BCL2A1: variants seen among roughly 807,000 people sequenced by gnomAD.
BCL2A1 encodes bcl-2-related protein A1.
In BCL2A1, 10 loss-of-function variants were observed where a neutral mutation model predicts 14.4. The observed-to-expected ratio is 0.69, with a 90% CI of 0.43 to 1.18. The LOEUF (loss-of-function observed/expected upper bound fraction) is 1.18. BCL2A1 is among the 50% of genes most tolerant of loss of function. BCL2A1 has a pLI of 0.00. For missense variants in BCL2A1, 158 were observed against 205.0 expected (o/e 0.77, Z 1.40); for synonymous variants, 71 against 76.5 (o/e 0.93, Z 0.38).
Position 79,961,151 on chromosome 15 carries a change from A to T in BCL2A1, c.444T>A (p.Phe148Leu). Reference sequence around the variant, plus strand: ...AAGTCATCCAGCCAGATTTAGGTTCAAACTTCTTTACAAAGCCATTTTCCT... The same window carrying T: ...AAGTCATCCAGCCAGATTTAGGTTCTAACTTCTTTACAAAGCCATTTTCCT... ...GGWENGFVKK[F>L]EPKSGWMTFL... Residue 148 changes from phenylalanine to leucine, a missense_variant, in exon 2 of 2, where the codon TTT becomes TTA. Transcript: ENST00000267953. The T allele has an allele frequency of 6.2e-7, 1 of 1,614,038 alleles. No individual in the cohort carries two copies. The highest frequency in any genetic ancestry group is 8.5e-7 in the Non-Finnish European group (1 of 1,179,918).
chr15:79,970,678 A>G (rs781519130), intron 1 of BCL2A1, 22 bp downstream of exon 1: 1 of 1,563,820 alleles, frequency 6.4e-7, no homozygotes, highest in Admixed American at 1.9e-5. Context: ...AGAACAATGA[A>G]GAATTTTTCC....
At chr15:79,970,373 G>A (rs1486854048) in intron 1 of BCL2A1, among the ~76,000 whole-genome samples, 1 of 152,136 alleles carries the variant, frequency 6.6e-6, no homozygotes, top group Non-Finnish European at 1.5e-5. Flanking sequence ...CCTAGCAAAA[G>A]CTAAGTACTA....
intron 1 of BCL2A1, among the ~76,000 whole-genome samples, chr15:79,966,005 C>T (rs1162224451): frequency 6.6e-6 from 1 of 150,998 alleles, no homozygotes; most frequent in Non-Finnish European, 1.5e-5. Flanking sequence ...AACTGTATGA[C>T]CCAACCTTTA....
chr15:79,962,246 G>C (rs558505349), intron 1 of BCL2A1, among the ~76,000 whole-genome samples: 1 of 152,134 alleles, frequency 6.6e-6, no homozygotes, highest in Admixed American at 6.5e-5. Flanking sequence ...CGGTGCCTTG[G>C]AATCATTTTA....
chr15:79,966,797 AGAAGGCAGGAAGGCAGGAAAGCAG>A (rs369542024), intron 1 of BCL2A1, among the ~76,000 whole-genome samples: 3,442 of 145,810 alleles, frequency 0.024, 98 homozygotes, highest in African/African-American at 0.073. Context: ...CACAAACAAA[AGAAGGCAGGAAGGCAGGAAAGCAG>A]GAAGGCAGGA....
chr15:79,963,979 G>A (rs1236434492), intron 1 of BCL2A1, among the ~76,000 whole-genome samples: 1 of 152,144 alleles, frequency 6.6e-6, no homozygotes, highest in Admixed American at 6.5e-5. Context: ...AAACTCTTGT[G>A]CACCCTAATT....
chr15:79,965,767 C>T (rs941016033), intron 1 of BCL2A1, among the ~76,000 whole-genome samples: 1 of 151,964 alleles, frequency 6.6e-6, no homozygotes, highest in Admixed American at 6.6e-5. Context: ...GAAAATTTTG[C>T]CCCAAAACTT....
In BCL2A1 at chr15:79,970,820, G is replaced by A. The variant is rs1373198822; in HGVS notation, c.300C>T (p.Ile100=). 7.4e-6 allele frequency: 12 copies of A among 1,614,230 alleles called. No individual in the cohort carries two copies. The highest frequency in any genetic ancestry group is 1.0e-5 in the Non-Finnish European group (12 of 1,180,044). ...VTIFAFEGIL[I]KKLLRQQIAP... ...CAATTTGCTGTCGTAGAAGTTTCTT[G>A]ATGAGAATACCTTCAAATGCAAATA... Residue 100 remains isoleucine (I), a synonymous_variant, in exon 1 of 2, where the codon ATC becomes ATT. Transcript: ENST00000267953.
intron 1 of BCL2A1, among the ~76,000 whole-genome samples, chr15:79,962,441 A>T (rs913782481): frequency 1.3e-5 from 2 of 152,148 alleles, no homozygotes; most frequent in Non-Finnish European, 2.9e-5. Flanking sequence ...CTGCCAGTAC[A>T]TACTCATAGT....
chr15:79,968,663 G>A (rs1385641653), intron 1 of BCL2A1, among the ~76,000 whole-genome samples: 1 of 152,250 alleles, frequency 6.6e-6, no homozygotes, highest in Admixed American at 6.5e-5. Flanking sequence ...TGGGTGCATG[G>A]CTCACGCCTG....
chr15:79,965,142 T>TA (rs1226932085), intron 1 of BCL2A1, among the ~76,000 whole-genome samples: 3 of 152,172 alleles, frequency 2.0e-5, no homozygotes, highest in African/African-American at 7.2e-5. Flanking sequence ...TATTTTATTT[T>TA]TTTGAGACAG....
chr15:79,969,704 G>A (rs761745074), intron 1 of BCL2A1, among the ~76,000 whole-genome samples: 1 of 152,052 alleles, frequency 6.6e-6, no homozygotes, highest in Non-Finnish European at 1.5e-5. Flanking sequence ...TATATGTTAT[G>A]TAAAACATAT....
chr15:79,967,622 C>T (rs16971619), intron 1 of BCL2A1: 386,060 of 1,531,694 alleles, frequency 0.25, 57,735 homozygotes, highest in East Asian at 0.52. Flanking sequence ...CTGTAAGTGC[C>T]TTCTCTACTC....
Position 79,961,167 on chromosome 15 carries a change from C to G in BCL2A1, c.428G>C (p.Gly143Ala). The change falls in exon 2 of 2, where the codon GGC becomes GCC. Residue 143 changes from glycine (G) to alanine (A), a missense_variant. Physicochemically the swap from Gly to Ala is moderately conservative, Grantham distance 60 (BLOSUM62 0). Coordinates refer to ENST00000267953, the MANE Select transcript of BCL2A1 (RefSeq NM_004049.4). ...TTTAGGTTCAAACTTCTTTACAAAG[C>G]CATTTTCCTATAAAAGAATAAATTT... ...WIRQNGGWEN[G>A]FVKKFEPKSG... 1 of 1,613,076 alleles carries G rather than the reference C, an allele frequency of 6.2e-7. No homozygotes were observed. Among genetic ancestry groups the G allele is most frequent in the Non-Finnish European group, 8.5e-7 (1 of 1,179,252 alleles).
intron 1 of BCL2A1, among the ~76,000 whole-genome samples, chr15:79,966,129 T>C (rs2035539493): frequency 6.6e-6 from 1 of 152,186 alleles, no homozygotes; most frequent in South Asian, 2.1e-4. Flanking sequence ...AGTTGCACAG[T>C]ATTTGACAGC....
intron 1 of BCL2A1, among the ~76,000 whole-genome samples, chr15:79,966,526 T>C (rs1371252213): frequency 3.3e-5 from 5 of 152,118 alleles, no homozygotes; most frequent in Non-Finnish European, 5.9e-5. Flanking sequence ...GAATGCTTCA[T>C]TGAAGGGGGA....
intron 1 of BCL2A1, among the ~76,000 whole-genome samples, chr15:79,969,792 A>G (rs767239419): frequency 1.3e-5 from 2 of 152,224 alleles, no homozygotes; most frequent in African/African-American, 2.4e-5. Context: ...TTTATTTTCT[A>G]TGGATAGATT....
chr15:79,963,813 C>T (rs113045285), intron 1 of BCL2A1, among the ~76,000 whole-genome samples: 4 of 151,958 alleles, frequency 2.6e-5, no homozygotes, highest in African/African-American at 9.7e-5. Flanking sequence ...GGGGAAAACT[C>T]GAAAAAACCA....
In BCL2A1 at chr15:79,960,975, G is replaced by A; in HGVS notation, c.*92C>T. ...AAGGTCAAGTTACATCATCAAAGTT[G>A]TTTATTTAAAAGTAGAAGTATGTGT... On this transcript the variant is annotated 3_prime_UTR_variant, in exon 2 of 2. Transcript: ENST00000267953. 6.4e-7 allele frequency: 1 copy of A among 1,569,238 alleles called. No individual in the cohort carries two copies. Among genetic ancestry groups the A allele is most frequent in the Non-Finnish European group, 8.7e-7 (1 of 1,146,416 alleles).
Sources: gnomAD v4.1 joint callset for allele counts (sites outside exome capture counted in the v4.1 genomes callset) on GRCh38, gnomAD v4.1.1 for gene constraint, MANE v1.5 for transcripts, NCBI Gene and HGNC (gene_info 2026-07-23, HGNC 2026-07-21) for gene names.